CD28: variants seen among roughly 807,000 people sequenced by gnomAD.
CD28 encodes the protein T-cell-specific surface glycoprotein CD28.
A neutral mutation model predicts 21.4 loss-of-function variants in CD28; 8 were observed. The ratio of observed to expected loss-of-function variants is 0.37; its 90% CI spans 0.22 to 0.68. The LOEUF (loss-of-function observed/expected upper bound fraction) is 0.68. Among genes scored for constraint, CD28 ranks in the 30% least tolerant of loss-of-function variants. CD28 has a pLI of 0.55. For synonymous variants in CD28, 106 were observed against 104.0 expected, an observed-to-expected ratio of 1.02 and a Z score of -0.12; for missense variants, 239 against 272.2, an observed-to-expected ratio of 0.88 and a Z score of 0.86.
chr2:203,706,834 G>A, intron 1 of CD28, 86 bp downstream of exon 1: 3 of 1,060,394 alleles, frequency 2.8e-6, no homozygotes, highest in Non-Finnish European at 4.3e-6. Flanking sequence ...CTAACAATGT[G>A]TGAAATTTGA....
intron 1 of CD28, among the ~76,000 whole-genome samples, chr2:203,716,779 A>G (rs935774364): frequency 7.2e-5 from 11 of 152,276 alleles, no homozygotes; most frequent in East Asian, 1.9e-4. Flanking sequence ...GAACACAAAT[A>G]AAGGTTAAAG....
chr2:203,716,090 T>C (rs1693455863), intron 1 of CD28, among the ~76,000 whole-genome samples: 2 of 152,280 alleles, frequency 1.3e-5, no homozygotes, highest in Admixed American at 6.5e-5. Context: ...CCCATGGCCT[T>C]TCTGGTAAAA....
Position 203,727,000 on chromosome 2 carries a change from A to G in CD28, c.409+11A>G, listed in dbSNP as rs1421864778. ...TTATCCATGTGAAAGGTAACATACAACTTTACCAGTGTACCACCCTAAAGT... is the reference window on the plus strand; with the variant it reads ...TTATCCATGTGAAAGGTAACATACAGCTTTACCAGTGTACCACCCTAAAGT... On this transcript the variant is annotated intron_variant, in intron 2 of 3. Coordinates refer to ENST00000324106, the MANE Select transcript of CD28 (RefSeq NM_006139.4). The G allele has an allele frequency of 4.7e-6, 7 of 1,489,376 alleles. No homozygotes were observed. The African/African-American group carries it at 5.5e-5, about 12-fold the overall frequency. The allele number at this position is 1,489,376 out of a possible 1,614,324, so 92.3% of individuals were successfully genotyped here. A position where few individuals can be genotyped will look rare whatever the true frequency, so the allele number is the denominator to read the frequency against.
chr2:203,715,725 A>G (rs1559551487), intron 1 of CD28, among the ~76,000 whole-genome samples: 1 of 152,202 alleles, frequency 6.6e-6, no homozygotes, highest in Non-Finnish European at 1.5e-5. Flanking sequence ...TCTTTCCTCC[A>G]GGATGAACAA....
chr2:203,711,347 T>C (rs1693306038), intron 1 of CD28, among the ~76,000 whole-genome samples: 1 of 152,120 alleles, frequency 6.6e-6, no homozygotes, highest in Admixed American at 6.5e-5. Flanking sequence ...TGGTAGAGGC[T>C]TGGAAAAAAG....
rs965847674 is a variant in CD28, at chr2:203,706,685, G to A, written c.-12G>A. 1.2e-5 allele frequency: 20 copies of A among 1,614,076 alleles called. No homozygotes were observed. The highest frequency in any genetic ancestry group is 1.4e-5 in the Non-Finnish European group (17 of 1,180,010). On this transcript the variant is annotated 5_prime_UTR_variant, in exon 1 of 4. Coordinates refer to ENST00000324106, the MANE Select transcript of CD28 (RefSeq NM_006139.4). Reference sequence around the variant, plus strand: ...GGAGGGGCTGGAACCCTAGCCCATCGTCAGGACAAAGATGCTCAGGCTGCT... The same window carrying A: ...GGAGGGGCTGGAACCCTAGCCCATCATCAGGACAAAGATGCTCAGGCTGCT...
chr2:203,715,476 G>C (rs1049279300), intron 1 of CD28, among the ~76,000 whole-genome samples: 1 of 152,034 alleles, frequency 6.6e-6, no homozygotes, highest in African/African-American at 2.4e-5. Context: ...GTAGGGATTG[G>C]GTCACACTGC....
rs1694031321 is a variant in CD28 at position 203,736,228 on chromosome 2, G to A, written c.*1316G>A. The A allele has an allele frequency of 6.5e-6, 1 of 152,722 alleles. No individual in the cohort carries two copies. The highest frequency in any genetic ancestry group is 1.9e-4 in the East Asian group (1 of 5,170). 9.5% of individuals were successfully genotyped at this position (152,722 alleles called of 1,614,324 possible). On this transcript the variant is annotated 3_prime_UTR_variant, in exon 4 of 4. Transcript: ENST00000324106. Reference sequence around the variant, plus strand: ...GGAGAAGTGAGAATACTGTGAAAAAGGGATGTTAGCATTCATTAGAGTATG... The same window carrying A: ...GGAGAAGTGAGAATACTGTGAAAAAAGGATGTTAGCATTCATTAGAGTATG...
chr2:203,713,852 G>GA (rs1693384451), intron 1 of CD28, among the ~76,000 whole-genome samples: 4 of 141,770 alleles, frequency 2.8e-5, no homozygotes, highest in Non-Finnish European at 6.1e-5. Context: ...AGAGAGAGAG[G>GA]GAGAGAGAGA....
rs2106128582 is a variant in CD28 at position 203,737,373 on chromosome 2, T to C, written c.*2461T>C. 1 of 152,354 alleles carries C rather than the reference T, an allele frequency of 6.6e-6. No individual in the cohort carries two copies. Among genetic ancestry groups the C allele is most frequent in the East Asian group, 1.9e-4 (1 of 5,192 alleles). 9.4% of individuals were successfully genotyped at this position (152,354 alleles called of 1,614,324 possible). ...CTTCAATCCAAGTTATCAGATTGTA[T>C]TTGAAAATGACAGAGCTGGAGAGTT... On this transcript the variant is annotated 3_prime_UTR_variant, in exon 4 of 4. Transcript: ENST00000324106.
At position 203,738,444 on chromosome 2, in the gene CD28, G is replaced by T. The variant is rs1003714046; in HGVS notation, c.*3532G>T. ...ACTTATTAATAATCCAGGTCAAAGA[G>T]AGTGACACACACTCTCTCAAGACCT... is the stretch of plus-strand genomic sequence containing the variant. On this transcript the variant is annotated 3_prime_UTR_variant, in exon 4 of 4. Transcript: ENST00000324106. 3 of 152,160 alleles carry T rather than the reference G, an allele frequency of 2.0e-5. No homozygotes were observed. The highest frequency in any genetic ancestry group is 4.8e-5 in the African/African-American group (2 of 41,422). The allele number at this position is 152,160 out of a possible 1,614,324, so 9.4% of individuals were successfully genotyped here. A position where few individuals can be genotyped will look rare whatever the true frequency, so the allele number is the denominator to read the frequency against.
intron 1 of CD28, among the ~76,000 whole-genome samples, chr2:203,710,408 C>T (rs1160067653): frequency 6.6e-6 from 1 of 152,220 alleles, no homozygotes; most frequent in South Asian, 2.1e-4. Context: ...TGGAATGAGT[C>T]ATTGCCACAG....
At chr2:203,714,070 A>C (rs1237561037) in intron 1 of CD28, among the ~76,000 whole-genome samples, 1 of 152,096 alleles carries the variant, frequency 6.6e-6, no homozygotes, top group Non-Finnish European at 1.5e-5. Context: ...ATCTCTAAGA[A>C]GATAGGGAGG....
Position 203,738,383 on chromosome 2 carries a change from A to G in CD28, c.*3471A>G, listed in dbSNP as rs1278705229. 1 of 152,226 alleles carries G rather than the reference A, an allele frequency of 6.6e-6. No individual in the cohort carries two copies. Among genetic ancestry groups the G allele is most frequent in the East Asian group, 1.9e-4 (1 of 5,198 alleles). The allele number at this position is 152,226 out of a possible 1,614,324, so 9.4% of individuals were successfully genotyped here. A position where few individuals can be genotyped will look rare whatever the true frequency, so the allele number is the denominator to read the frequency against. On this transcript the variant is annotated 3_prime_UTR_variant, in exon 4 of 4. Transcript: ENST00000324106. Reference sequence around the variant, plus strand: ...ATGCTGGAGATTAGAGATGGTGCCAATAAAGGACCCAGAACCAGGATCTTG... The same window carrying G: ...ATGCTGGAGATTAGAGATGGTGCCAGTAAAGGACCCAGAACCAGGATCTTG...
rs1293952280 is a variant in CD28, at chr2:203,736,079, C to T, written c.*1167C>T. 1 of 152,646 alleles carries T rather than the reference C, an allele frequency of 6.6e-6. No individual in the cohort carries two copies. Among genetic ancestry groups the T allele is most frequent in the Non-Finnish European group, 1.5e-5 (1 of 68,086 alleles). 9.5% of individuals were successfully genotyped at this position (152,646 alleles called of 1,614,324 possible). ...TTGAGTACTGTGAAGGATTATTTGT[C>T]TAACAGTTCATTCCAATCAGACCAG... On this transcript the variant is annotated 3_prime_UTR_variant, in exon 4 of 4. Transcript: ENST00000324106.
intron 1 of CD28, among the ~76,000 whole-genome samples, chr2:203,718,035 C>T (rs1693506854): frequency 6.6e-6 from 1 of 152,114 alleles, no homozygotes; most frequent in Non-Finnish European, 1.5e-5. Flanking sequence ...CCATTCAAAG[C>T]ATGGTAGGTC....
intron 3 of CD28, among the ~76,000 whole-genome samples, chr2:203,730,497 C>A (rs72932400): frequency 0.13 from 19,401 of 152,156 alleles, 1,492 homozygotes; most frequent in Middle Eastern, 0.19. Flanking sequence ...CCCTGAGTGA[C>A]CCTTGTTCTT....
chr2:203,721,722 G>T (rs1158390785), intron 1 of CD28, among the ~76,000 whole-genome samples: 1 of 152,188 alleles, frequency 6.6e-6, no homozygotes. Flanking sequence ...GTTTTGTGCA[G>T]ATCACTGTGT....
intron 1 of CD28, among the ~76,000 whole-genome samples, chr2:203,711,560 T>G (rs1224797026): frequency 6.6e-6 from 1 of 152,198 alleles, no homozygotes; most frequent in Non-Finnish European, 1.5e-5. Flanking sequence ...ATCATCTTCA[T>G]TATCTTGGGT....
Sources: gnomAD v4.1 joint callset for allele counts (sites outside exome capture counted in the v4.1 genomes callset) on GRCh38, gnomAD v4.1.1 for gene constraint, MANE v1.5 for transcripts, NCBI Gene and HGNC (gene_info 2026-07-23, HGNC 2026-07-21) for gene names.